Variants in PDE1C observed in about 807,000 individuals in gnomAD.
The protein encoded by PDE1C is phosphodiesterase 1C.
In PDE1C, 62 loss-of-function variants were observed where a neutral mutation model predicts 93.1. The ratio of observed to expected loss-of-function variants is 0.67; its 90% CI spans 0.54 to 0.82. PDE1C has a LOEUF of 0.82. Among genes scored for constraint, PDE1C ranks in the 40% least tolerant of loss-of-function variants. The probability of loss-of-function intolerance (pLI) is 0.00; values close to 1 mark genes in which losing one functional copy is unlikely to be tolerated. For missense variants in PDE1C, 742 were observed against 884.6 expected (o/e 0.84, Z 2.04); for synonymous variants, 325 against 310.1 (o/e 1.05, Z -0.50).
intron 1 of PDE1C, among the ~76,000 whole-genome samples, chr7:32,225,100 C>G (rs1414087875): frequency 6.6e-6 from 1 of 151,894 alleles, no homozygotes; most frequent in East Asian, 1.9e-4. Flanking sequence ...ATGGGCAAAC[C>G]TATCGTTGTC....
chr7:32,113,281 G>T (rs1563323632), intron 3 of PDE1C, among the ~76,000 whole-genome samples: 2 of 100,164 alleles, frequency 2.0e-5, no homozygotes, highest in African/African-American at 8.2e-5. Context: ...GGATATATTT[G>T]GATCCATATA....
At chr7:31,698,430 G>T in the PDE1C span, among the ~76,000 whole-genome samples, 2 of 152,096 alleles carry the variant, frequency 1.3e-5, no homozygotes, top group African/African-American at 2.4e-5. Flanking sequence ...TGAATGGTGG[G>T]TTTTTGACCC....
At chr7:31,918,348 G>A (rs558623499) in intron 2 of PDE1C, among the ~76,000 whole-genome samples, 1 of 152,274 alleles carries the variant, frequency 6.6e-6, no homozygotes, top group South Asian at 2.1e-4. Context: ...GCTAACTGAG[G>A]CAAAATAGTA....
At chr7:31,640,470 G>A in the PDE1C span, among the ~76,000 whole-genome samples, 1 of 152,154 alleles carries the variant, frequency 6.6e-6, no homozygotes, top group Non-Finnish European at 1.5e-5. Context: ...TCCTAGCTCT[G>A]TTTCCTCAGC....
chr7:32,093,090 C>T (rs1055675633), intron 3 of PDE1C, among the ~76,000 whole-genome samples: 2 of 152,162 alleles, frequency 1.3e-5, no homozygotes, highest in African/African-American at 4.8e-5. Flanking sequence ...GACGATCACC[C>T]TATCTGTCTC....
intron 2 of PDE1C, among the ~76,000 whole-genome samples, chr7:31,907,496 G>C (rs1800748994): frequency 6.6e-6 from 1 of 152,122 alleles, no homozygotes; most frequent in East Asian, 1.9e-4. Context: ...GCAACGATGG[G>C]AATGTAATCA....
At chr7:32,224,956 G>A (rs1807144251) in intron 1 of PDE1C, among the ~76,000 whole-genome samples, 1 of 151,832 alleles carries the variant, frequency 6.6e-6, no homozygotes, top group Non-Finnish European at 1.5e-5. Context: ...AAGGAAGGCT[G>A]GCAATGAAGA....
At position 32,070,379 on chromosome 7, in the gene PDE1C, G is replaced by C; in HGVS notation, c.15C>G (p.Thr5=). 1 of 1,614,176 alleles carries C rather than the reference G, an allele frequency of 6.2e-7. No homozygotes were observed. The highest frequency in any genetic ancestry group is 8.5e-7 in the Non-Finnish European group (1 of 1,180,022). Residue 5 remains threonine, a synonymous_variant, in exon 1 of 18, where the codon ACC becomes ACG. Transcript: ENST00000396191. ...TGCTCTCAAATTCTTCAATCTCCTT[G>C]GTTGGCGACTCCATAGCTGCAGGTA... MESP[T]KEIEEFESNS...
intron 1 of PDE1C, among the ~76,000 whole-genome samples, chr7:32,376,857 T>C (rs1439987844): frequency 6.6e-6 from 1 of 152,078 alleles, no homozygotes; most frequent in Non-Finnish European, 1.5e-5. Flanking sequence ...CGGGTTAATT[T>C]TTTGTATTTT....
At chr7:31,827,475 T>C (rs996221881) in intron 12 of PDE1C, among the ~76,000 whole-genome samples, 5 of 152,170 alleles carry the variant, frequency 3.3e-5, no homozygotes, top group African/African-American at 1.2e-4. Flanking sequence ...ATTTTGCCCA[T>C]CACCCAATAC....
chr7:32,361,821 C>A (rs559583099), intron 1 of PDE1C, among the ~76,000 whole-genome samples: 2 of 152,240 alleles, frequency 1.3e-5, no homozygotes, highest in Non-Finnish European at 2.9e-5. Context: ...CTTCTCTCAG[C>A]CTGGCACCAT....
At chr7:31,969,163 C>T (rs907565970) in intron 2 of PDE1C, among the ~76,000 whole-genome samples, 4 of 152,138 alleles carry the variant, frequency 2.6e-5, no homozygotes, top group African/African-American at 9.7e-5. Context: ...CTTTGCTGTG[C>T]TTCTGCACAG....
intron 2 of PDE1C, among the ~76,000 whole-genome samples, chr7:32,023,396 T>G (rs1788953992): frequency 6.6e-6 from 1 of 152,060 alleles, no homozygotes; most frequent in Admixed American, 6.6e-5. Context: ...ATCTGATGAC[T>G]TTTTTTCATA....
chr7:31,828,418 G>A, intron 11 of PDE1C, 45 bp from the exon 12 acceptor site: 1 of 1,505,654 alleles, frequency 6.6e-7, no homozygotes, highest in South Asian at 1.2e-5. Flanking sequence ...CAGTAGGCTG[G>A]GTCACCCAGA....
intron 2 of PDE1C, among the ~76,000 whole-genome samples, chr7:32,050,265 T>C (rs1360945332): frequency 1.3e-5 from 2 of 152,204 alleles, no homozygotes; most frequent in African/African-American, 2.4e-5. Flanking sequence ...ATATGCTTAC[T>C]AAAAGTTTAT....
chr7:31,721,316 A>G, the PDE1C span, among the ~76,000 whole-genome samples: 29 of 152,356 alleles, frequency 1.9e-4, no homozygotes, highest in East Asian at 5.0e-3. Flanking sequence ...CTGATAATAG[A>G]ATTCCCTAAA....
chr7:32,053,251 C>T (rs1793621139), intron 1 of PDE1C, among the ~76,000 whole-genome samples: 1 of 152,202 alleles, frequency 6.6e-6, no homozygotes, highest in South Asian at 2.1e-4. Context: ...AGATAATTCA[C>T]CTGAACATCA....
chr7:31,689,775 G>A, the PDE1C span, among the ~76,000 whole-genome samples: 1 of 152,088 alleles, frequency 6.6e-6, no homozygotes, highest in Admixed American at 6.5e-5. Flanking sequence ...TAAGAAGTCC[G>A]TAATGACATC....
chr7:31,787,579 A>G (rs1784136085), intron 16 of PDE1C: 1 of 152,242 alleles, frequency 6.6e-6, no homozygotes, highest in African/African-American at 2.4e-5. Flanking sequence ...AGGGACGTGT[A>G]GAGCGCATGG....
Sources: gnomAD v4.1 joint callset for allele counts (sites outside exome capture counted in the v4.1 genomes callset) on GRCh38, gnomAD v4.1.1 for gene constraint, MANE v1.5 for transcripts, NCBI Gene and HGNC (gene_info 2026-07-23, HGNC 2026-07-21) for gene names.